The following MAGI2 variants were observed in gnomAD, a reference collection of about 807,000 sequenced individuals.
The protein encoded by MAGI2 is membrane-associated guanylate kinase, WW and PDZ domain-containing protein 2.
A neutral mutation model predicts 133.3 loss-of-function variants in MAGI2; 35 were observed. The observed-to-expected ratio is 0.26, with a 90% CI of 0.20 to 0.35. The LOEUF is 0.35. Among genes scored for constraint, MAGI2 ranks in the 10% least tolerant of loss-of-function variants. The pLI is 1.00. For synonymous variants in MAGI2, 729 were observed against 710.6 expected, an observed-to-expected ratio of 1.03 and a Z score of -0.41; for missense variants, 1,636 against 1,863.4, an observed-to-expected ratio of 0.88 and a Z score of 2.25.
At chr7:79,107,097 G>T (rs1031617086) in intron 1 of MAGI2, among the ~76,000 whole-genome samples, 1 of 152,138 alleles carries the variant, frequency 6.6e-6, no homozygotes, top group Non-Finnish European at 1.5e-5. Context: ...TGTAACTAGG[G>T]TTACAGATCC....
intron 2 of MAGI2, among the ~76,000 whole-genome samples, chr7:78,800,635 A>G (rs1787985576): frequency 1.3e-5 from 2 of 152,186 alleles, no homozygotes; most frequent in African/African-American, 4.8e-5. Context: ...TATTTTTAAC[A>G]TTAAACTTTC....
At chr7:79,229,060 C>G (rs1831126596) in intron 1 of MAGI2, among the ~76,000 whole-genome samples, 1 of 150,698 alleles carries the variant, frequency 6.6e-6, no homozygotes, top group Non-Finnish European at 1.5e-5. Context: ...TGAAGTAAAG[C>G]TCTGCAGGAT....
At chr7:79,344,350 T>C (rs945260252) in intron 1 of MAGI2, among the ~76,000 whole-genome samples, 4 of 152,100 alleles carry the variant, frequency 2.6e-5, no homozygotes, top group African/African-American at 9.7e-5. Flanking sequence ...GACATAAACA[T>C]GTTTTAGAAA....
At chr7:79,212,304 T>G (rs559965057) in intron 1 of MAGI2, among the ~76,000 whole-genome samples, 4 of 152,222 alleles carry the variant, frequency 2.6e-5, no homozygotes, top group Middle Eastern at 3.4e-3. Flanking sequence ...GCATATAATC[T>G]TCAACAGATA....
chr7:78,368,887 A>G (rs753274892), intron 7 of MAGI2, among the ~76,000 whole-genome samples: 4 of 152,174 alleles, frequency 2.6e-5, no homozygotes, highest in South Asian at 2.1e-4. Context: ...TTACTTTGAT[A>G]TCTTTAATTA....
At chr7:79,341,265 C>A (rs1255798958) in intron 1 of MAGI2, among the ~76,000 whole-genome samples, 3 of 152,084 alleles carry the variant, frequency 2.0e-5, no homozygotes, top group Admixed American at 2.0e-4. Flanking sequence ...GATCCAAGTT[C>A]TGAGCATAAG....
chr7:78,495,323 T>G (rs1793989079), intron 5 of MAGI2, among the ~76,000 whole-genome samples: 1 of 152,156 alleles, frequency 6.6e-6, no homozygotes, highest in Non-Finnish European at 1.5e-5. Context: ...CCATGTGTTC[T>G]CATTGTTCAA....
intron 9 of MAGI2, among the ~76,000 whole-genome samples, chr7:78,269,981 T>C (rs1187575293): frequency 6.6e-6 from 1 of 152,224 alleles, no homozygotes; most frequent in Non-Finnish European, 1.5e-5. Flanking sequence ...GCTTTCTGCA[T>C]ATGGCTAGCC....
intron 9 of MAGI2, among the ~76,000 whole-genome samples, chr7:78,299,095 G>A (rs1797599971): frequency 6.6e-6 from 1 of 152,116 alleles, no homozygotes; most frequent in Non-Finnish European, 1.5e-5. Flanking sequence ...TGGGATTACA[G>A]GCGTGAGCTA....
chr7:78,815,197 G>T (rs898651177), intron 2 of MAGI2, among the ~76,000 whole-genome samples: 11 of 152,164 alleles, frequency 7.2e-5, no homozygotes, highest in African/African-American at 2.4e-4. Flanking sequence ...TCAAGGAGCT[G>T]CTCATCTGCA....
intron 1 of MAGI2, among the ~76,000 whole-genome samples, chr7:79,444,673 C>T (rs950781799): frequency 1.3e-5 from 2 of 151,950 alleles, no homozygotes; most frequent in African/African-American, 4.8e-5. Flanking sequence ...AGGATACAAA[C>T]AAATGGAAGA....
intron 1 of MAGI2, among the ~76,000 whole-genome samples, chr7:79,016,467 C>T (rs1235046308): frequency 1.3e-5 from 2 of 152,110 alleles, no homozygotes; most frequent in Non-Finnish European, 2.9e-5. Flanking sequence ...TAAACAGCTC[C>T]AGTAGGGTGC....
chr7:78,475,996 ATT>A (rs1326307294), intron 6 of MAGI2, among the ~76,000 whole-genome samples: 1 of 151,790 alleles, frequency 6.6e-6, no homozygotes, highest in African/African-American at 2.4e-5. Context: ...TCTCCTCTTC[ATT>A]TTTGAGGAGC....
chr7:78,694,203 C>T (rs1350226600), intron 2 of MAGI2, among the ~76,000 whole-genome samples: 1 of 152,130 alleles, frequency 6.6e-6, no homozygotes, highest in African/African-American at 2.4e-5. Flanking sequence ...ATTTTTCTTC[C>T]TGTCCCCATA....
At chr7:78,068,439 T>C (rs1814085365) in intron 21 of MAGI2, among the ~76,000 whole-genome samples, 2 of 151,870 alleles carry the variant, frequency 1.3e-5, no homozygotes, top group African/African-American at 4.8e-5. Context: ...GGACTCTGAG[T>C]GATAACAATG....
intron 10 of MAGI2, among the ~76,000 whole-genome samples, chr7:78,224,994 C>T (rs532449770): frequency 9.3e-4 from 142 of 152,244 alleles, no homozygotes; most frequent in African/African-American, 3.2e-3. Context: ...CACCTCACCT[C>T]CAACTTACAC....
chr7:78,593,913 T>C (rs1804314530), intron 3 of MAGI2, among the ~76,000 whole-genome samples: 1 of 152,242 alleles, frequency 6.6e-6, no homozygotes, highest in African/African-American at 2.4e-5. Flanking sequence ...GGTTCTGAAA[T>C]GTTAGCTTAG....
intron 9 of MAGI2, among the ~76,000 whole-genome samples, chr7:78,269,657 A>G (rs1794369948): frequency 6.6e-6 from 1 of 152,080 alleles, no homozygotes; most frequent in Non-Finnish European, 1.5e-5. Flanking sequence ...CATTTGTTTA[A>G]GTCTGGATAT....
intron 21 of MAGI2, among the ~76,000 whole-genome samples, chr7:78,058,205 C>T (rs1400296141): frequency 6.6e-6 from 1 of 151,788 alleles, no homozygotes; most frequent in Non-Finnish European, 1.5e-5. Flanking sequence ...ATGATTGTGT[C>T]TATACATTAA....
Sources: gnomAD v4.1 joint callset for allele counts (sites outside exome capture counted in the v4.1 genomes callset) on GRCh38, gnomAD v4.1.1 for gene constraint, MANE v1.5 for transcripts, NCBI Gene and HGNC (gene_info 2026-07-23, HGNC 2026-07-21) for gene names.